TBCD: variants seen among roughly 807,000 people sequenced by gnomAD.
TBCD encodes tubulin folding cofactor D, also known as tubulin-specific chaperone D.
TBCD carries 105 observed loss-of-function variants against 169.3 expected under a neutral mutation model. That is an observed-to-expected ratio of 0.62 (90% CI 0.53 to 0.73). The LOEUF is 0.73. Ranked by LOEUF, TBCD falls within the 30% of genes least tolerant of loss-of-function variation. TBCD has a pLI of 0.00. For missense variants in TBCD, 1,444 were observed against 1,600.1 expected, an observed-to-expected ratio of 0.90 and a Z score of 1.66; for synonymous variants, 700 against 643.9, an observed-to-expected ratio of 1.09 and a Z score of -1.32.
At chr17:82,901,892 AAATT>A (rs1435984257) in intron 18 of TBCD, among the ~76,000 whole-genome samples, 76 of 152,352 alleles carry the variant, frequency 5.0e-4, no homozygotes, top group African/African-American at 1.6e-3. Flanking sequence ...AACCTAGGGA[AAATT>A]AATTAATTTG....
At chr17:82,755,249 A>G (rs985606807) in intron 1 of TBCD, among the ~76,000 whole-genome samples, 18 of 152,228 alleles carry the variant, frequency 1.2e-4, no homozygotes, top group African/African-American at 4.3e-4. Context: ...TTTCTTATGC[A>G]GATGAAGGTT....
Position 82,752,165 on chromosome 17 carries a change from G to C in TBCD, c.-29G>C, listed in dbSNP as rs2047132535. 1.9e-5 allele frequency: 28 copies of C among 1,490,024 alleles called. No individual in the cohort carries two copies. The highest frequency in any genetic ancestry group is 2.4e-5 in the Non-Finnish European group (27 of 1,122,880). The allele number at this position is 1,490,024 out of a possible 1,614,324, so 92.3% of individuals were successfully genotyped here. On this transcript the variant is annotated 5_prime_UTR_variant, in exon 1 of 39. Transcript: ENST00000355528. ...CGGAGTGGGATCTGCGAACACGTGA[G>C]GCGGGGGCGCGGTCCCCAGGCTGCC...
intron 35 of TBCD, chr17:82,937,636 G>A (rs966764009): frequency 8.3e-6 from 5 of 600,618 alleles, no homozygotes; most frequent in Admixed American, 5.9e-5. Flanking sequence ...AAGGAGCTGC[G>A]TGGTCAGGGG....
rs1295973872 is a variant in TBCD, at chr17:82,772,366, G to A, written c.583-86G>A. 4 of 1,392,074 alleles carry A rather than the reference G, an allele frequency of 2.9e-6. No homozygotes were observed. The Admixed American group carries it at 6.7e-5, about 23-fold the overall frequency. The allele number at this position is 1,392,074 out of a possible 1,614,324, so 86.2% of individuals were successfully genotyped here. ...GTGAACCTGGGCCCTCGGGGAGCTG[G>A]TGAGGGTGGGACTGGTGACTGTGTG... On this transcript the variant is annotated intron_variant, in intron 5 of 38. Coordinates refer to ENST00000355528, the MANE Select transcript of TBCD (RefSeq NM_005993.5).
At position 82,874,631 on chromosome 17, in the gene TBCD, G is replaced by A. The variant is rs148393269; in HGVS notation, c.1475+4251G>A. On this transcript the variant is annotated intron_variant, in intron 14 of 38. Transcript: ENST00000355528. The surrounding 1 kb of genome is among the most constrained non-coding windows in gnomAD (Gnocchi z 5.0). Reference sequence around the variant, plus strand: ...CAGGCTTGTCCAACGGGTTCTTAGAGAACCTGGGCCCCATCCCTCCTTGGC... The same window carrying A: ...CAGGCTTGTCCAACGGGTTCTTAGAAAACCTGGGCCCCATCCCTCCTTGGC... 0.012 allele frequency among the ~76,000 whole-genome samples: 1,851 copies of A among 152,262 alleles called. 52 individuals carry two copies. The highest frequency in any genetic ancestry group is 0.043 in the African/African-American group (1,788 of 41,544).
chr17:82,900,765 T>C, intron 18 of TBCD, 34 bp downstream of exon 18: 1 of 1,517,150 alleles, frequency 6.6e-7, no homozygotes, highest in East Asian at 2.2e-5. Context: ...CTAAGAGCTT[T>C]TTTTCCCCCC....
intron 13 of TBCD, chr17:82,838,545 T>C: frequency 1.6e-6 from 1 of 629,224 alleles, no homozygotes; most frequent in Non-Finnish European, 2.0e-6. Flanking sequence ...AATTACAATA[T>C]TGTGATGTGG....
At chr17:82,791,059 G>C (rs1446969651) in intron 7 of TBCD, among the ~76,000 whole-genome samples, 1 of 149,898 alleles carries the variant, frequency 6.7e-6, no homozygotes, top group East Asian at 2.0e-4. Flanking sequence ...TTGTTTTCAG[G>C]CTTTCTGTGG....
chr17:82,808,072 TAGC>T (rs1216377538), intron 11 of TBCD, among the ~76,000 whole-genome samples: 1 of 152,172 alleles, frequency 6.6e-6, no homozygotes, highest in African/African-American at 2.4e-5. Context: ...CACCCCTCAC[TAGC>T]ACCTGTCATA....
At chr17:82,841,430 G>A (rs1412291244) in intron 13 of TBCD, among the ~76,000 whole-genome samples, 1 of 151,692 alleles carries the variant, frequency 6.6e-6, no homozygotes, top group South Asian at 2.1e-4. Context: ...TGATCCTCCC[G>A]CCTCAGTCTC....
intron 23 of TBCD, chr17:82,913,959 C>G (rs577500666): frequency 6.6e-6 from 1 of 152,154 alleles, no homozygotes; most frequent in Non-Finnish European, 1.5e-5. Flanking sequence ...CCTCCCTGGG[C>G]GTGAGGCTGC....
intron 27 of TBCD, among the ~76,000 whole-genome samples, 162 bp from the exon 28 acceptor site, chr17:82,926,238 T>C (rs1355275187): frequency 2.0e-5 from 3 of 150,398 alleles, no homozygotes; most frequent in Admixed American, 6.6e-5. Flanking sequence ...GTGTCCTTCC[T>C]GGGTTGTACC....
chr17:82,886,282 T>C (rs1000914037), intron 15 of TBCD: 1 of 152,178 alleles, frequency 6.6e-6, no homozygotes, highest in African/African-American at 2.4e-5. Flanking sequence ...AGGCAGTCAG[T>C]GTGTGAGTGA....
intron 13 of TBCD, among the ~76,000 whole-genome samples, chr17:82,849,512 A>C (rs1460571352): frequency 6.6e-6 from 1 of 151,990 alleles, no homozygotes; most frequent in African/African-American, 2.4e-5. Flanking sequence ...CGTCTCCTTA[A>C]CCTGTTTTTT....
At chr17:82,812,029 C>T (rs1166202431) in intron 12 of TBCD, among the ~76,000 whole-genome samples, 4 of 152,168 alleles carry the variant, frequency 2.6e-5, no homozygotes, top group East Asian at 1.9e-4. Flanking sequence ...GTCCCCCAAG[C>T]GTGCACGACT....
In TBCD at chr17:82,935,546, ATTTG is replaced by A. The variant is rs556103328; in HGVS notation, c.3192-1720_3192-1717del. Among the ~76,000 whole-genome samples the A allele has an allele frequency of 1.5e-3, 221 of 145,714 alleles. 6 individuals carry two copies. Among genetic ancestry groups the A allele is most frequent in the Admixed American group, 0.014 (204 of 14,444 alleles). ...TTTTGTCATTCCATTGTTTTCATATATTTGTTTGGGACATTTTACTTTTTTCTGT... is the reference window on the plus strand; with the variant it reads ...TTTTGTCATTCCATTGTTTTCATATATTTGGGACATTTTACTTTTTTCTGT... On this transcript the variant is annotated intron_variant, in intron 34 of 38. Coordinates refer to ENST00000355528, the MANE Select transcript of TBCD (RefSeq NM_005993.5).
rs1197656847 is a variant in TBCD, at chr17:82,767,953, CA to C, written c.436-454del. The stretch of plus-strand genomic sequence containing the variant: ...TGGGCAACAGAGCGAGACTCCATCT[CA>C]AAAAAAAAAAAAGGAACTCCTGACC... On this transcript the variant is annotated intron_variant, in intron 4 of 38. Transcript: ENST00000355528. 3.8e-3 allele frequency among the ~76,000 whole-genome samples: 497 copies of C among 131,656 alleles called. 1 individual carries two copies. The highest frequency in any genetic ancestry group is 6.7e-3 in the African/African-American group (242 of 36,240). 86.4% of individuals were successfully genotyped at this position (131,656 alleles called of 152,430 possible).
At chr17:82,935,824 A>G (rs1448957527) in intron 34 of TBCD, among the ~76,000 whole-genome samples, 2 of 151,906 alleles carry the variant, frequency 1.3e-5, no homozygotes, top group African/African-American at 4.8e-5. Flanking sequence ...GTCTCTCATC[A>G]CTTACTGCTT....
chr17:82,856,998 C>A (rs2056364230), intron 13 of TBCD, among the ~76,000 whole-genome samples: 1 of 151,864 alleles, frequency 6.6e-6, no homozygotes, highest in South Asian at 2.1e-4. Context: ...GATCGCTGGA[C>A]CGCGTGCGGA....
Sources: allele counts gnomAD v4.1 joint callset (sites outside exome capture counted in the v4.1 genomes callset), GRCh38; gene constraint gnomAD v4.1.1; non-coding constraint Gnocchi (gnomAD v3.1); transcripts MANE v1.5; gene names NCBI Gene and HGNC (gene_info 2026-07-23, HGNC 2026-07-21).